Variants in BTAF1 observed in about 807,000 individuals in gnomAD.
BTAF1 encodes the protein B-TFIID TATA-box binding protein associated factor 1.
A neutral mutation model predicts 227.1 loss-of-function variants in BTAF1; 38 were observed. The observed-to-expected ratio is 0.17, with a 90% confidence interval of 0.13 to 0.22. The LOEUF is 0.22. Among genes scored for constraint, BTAF1 ranks in the 10% least tolerant of loss-of-function variants. The pLI, the probability that BTAF1 is intolerant of heterozygous loss-of-function variation, is 1.00. For synonymous variants in BTAF1, 742 were observed against 751.9 expected (o/e 0.99, Z 0.21); for missense variants, 1,598 against 2,204.0 (o/e 0.73, Z 5.51).
intron 14 of BTAF1, among the ~76,000 whole-genome samples, chr10:91,974,466 T>C (rs1036990279): frequency 1.3e-5 from 2 of 152,218 alleles, no homozygotes; most frequent in Non-Finnish European, 2.9e-5. Context: ...TGTGAAAATA[T>C]ATTGTTTAAT....
At chr10:91,957,044 T>C (rs1209018373) in intron 7 of BTAF1, among the ~76,000 whole-genome samples, 181 bp from the exon 8 acceptor site, 1 of 152,184 alleles carries the variant, frequency 6.6e-6, no homozygotes, top group Non-Finnish European at 1.5e-5. Context: ...ATTGAAAGTA[T>C]TGAATAATCT....
intron 1 of BTAF1, among the ~76,000 whole-genome samples, chr10:91,934,190 GC>G (rs1229805036): frequency 4.6e-5 from 7 of 152,144 alleles, no homozygotes; most frequent in Admixed American, 1.3e-4. Context: ...TGTATGACTA[GC>G]TTCATAGTTT....
At chr10:91,991,694 G>C (rs1263508272) in intron 20 of BTAF1, among the ~76,000 whole-genome samples, 1 of 151,536 alleles carries the variant, frequency 6.6e-6, no homozygotes, top group African/African-American at 2.4e-5. Context: ...GGTGGAGGTT[G>C]CAGTGAGCTG....
intron 8 of BTAF1, among the ~76,000 whole-genome samples, chr10:91,958,072 G>T (rs1448273652): frequency 6.6e-6 from 1 of 151,950 alleles, no homozygotes; most frequent in African/African-American, 2.4e-5. Flanking sequence ...TTTTTGAGAT[G>T]GAGTCTCACT....
rs757432298 is a variant in BTAF1 at position 92,031,374 on chromosome 10, C to G, written c.*2441C>G. Among the ~76,000 whole-genome samples, 1 of 152,152 alleles carries G rather than the reference C, an allele frequency of 6.6e-6. No homozygotes were observed. Among genetic ancestry groups the G allele is most frequent in the South Asian group, 2.1e-4 (1 of 4,824 alleles). On this transcript the variant is annotated 3_prime_UTR_variant, in exon 38 of 38. Transcript: ENST00000265990. ...TTGGGACTGATTGAACTGGTATAGC[C>G]TTATTCCTTCTGGATGGTTTATATG...
intron 1 of BTAF1, among the ~76,000 whole-genome samples, chr10:91,928,498 AGCT>A (rs930454062): frequency 7.2e-5 from 11 of 152,196 alleles, no homozygotes; most frequent in African/African-American, 2.2e-4. Context: ...CCGGAAAGTC[AGCT>A]AGTCATTCAC....
chr10:92,026,482 A>T, intron 35 of BTAF1, 110 bp from the exon 36 acceptor site: 1 of 836,268 alleles, frequency 1.2e-6, no homozygotes, highest in Non-Finnish European at 1.8e-6. Context: ...AAGTATCCCT[A>T]TTGTGGATTT....
In BTAF1 at chr10:91,935,554, G is replaced by A. The variant is rs868147889; in HGVS notation, c.15-103G>A. ...CTTTCCGGGGCTCATTTATGTTAGCGTAGGTCTTCATTCATAGCATCTGCT... is the reference window on the plus strand; with the variant it reads ...CTTTCCGGGGCTCATTTATGTTAGCATAGGTCTTCATTCATAGCATCTGCT... On this transcript the variant is annotated intron_variant, in intron 1 of 37. Transcript: ENST00000265990. 38 of 1,258,476 alleles carry A rather than the reference G, an allele frequency of 3.0e-5. No homozygotes were observed. In the African/African-American group the frequency reaches 4.2e-4, roughly 14 times the overall value. 78.0% of individuals were successfully genotyped at this position (1,258,476 alleles called of 1,614,324 possible). A position where few individuals can be genotyped will look rare whatever the true frequency, so the allele number is the denominator to read the frequency against.
At chr10:92,002,748 G>T (rs1849633045) in intron 25 of BTAF1, among the ~76,000 whole-genome samples, 1 of 152,054 alleles carries the variant, frequency 6.6e-6, no homozygotes, top group Non-Finnish European at 1.5e-5. Context: ...ATTTTAATTA[G>T]ATTTAATTGA....
chr10:91,950,147 G>T (rs910162870), intron 4 of BTAF1, among the ~76,000 whole-genome samples: 3 of 35,778 alleles, frequency 8.4e-5, no homozygotes, highest in Admixed American at 4.0e-4. Flanking sequence ...CTTGTCCTTT[G>T]TGGGGGGGGG....
chr10:92,008,749 A>G, intron 26 of BTAF1, 80 bp from the exon 27 acceptor site: 1 of 1,337,462 alleles, frequency 7.5e-7, no homozygotes, highest in Non-Finnish European at 1.0e-6. Flanking sequence ...TTTTGTGCAA[A>G]CGTTGTTTAT....
intron 12 of BTAF1, among the ~76,000 whole-genome samples, chr10:91,963,540 G>T (rs1156730810): frequency 1.3e-5 from 2 of 152,112 alleles, no homozygotes; most frequent in Non-Finnish European, 2.9e-5. Context: ...GAGTGCTGGG[G>T]TTACTGGTGT....
intron 34 of BTAF1, among the ~76,000 whole-genome samples, chr10:92,021,588 C>T (rs1851127666): frequency 6.6e-6 from 1 of 151,588 alleles, no homozygotes; most frequent in South Asian, 2.1e-4. Context: ...GTCGCCCAGG[C>T]TGGAATGCAG....
At chr10:91,970,860 AT>A (rs1847247451) in intron 14 of BTAF1, among the ~76,000 whole-genome samples, 1 of 152,236 alleles carries the variant, frequency 6.6e-6, no homozygotes, top group Non-Finnish European at 1.5e-5. Context: ...GATCAGGAAG[AT>A]TAGGTGATGT....
At chr10:91,991,039 G>C (rs554963893) in intron 20 of BTAF1, among the ~76,000 whole-genome samples, 52 of 151,716 alleles carry the variant, frequency 3.4e-4, no homozygotes, top group African/African-American at 1.2e-3. Context: ...GAGGTCAGAA[G>C]TTCGAGACCA....
At chr10:91,960,205 T>C (rs754801201) in intron 11 of BTAF1, 51 bp downstream of exon 11, 2 of 1,548,904 alleles carry the variant, frequency 1.3e-6, no homozygotes, top group South Asian at 1.2e-5. Context: ...TTCCCCCTTA[T>C]AGTTTATTTT....
intron 15 of BTAF1, among the ~76,000 whole-genome samples, chr10:91,981,017 T>C (rs959133778): frequency 2.0e-5 from 3 of 152,132 alleles, no homozygotes; most frequent in Non-Finnish European, 2.9e-5. Context: ...TTTAATAGCA[T>C]TTATGGGGGG....
At chr10:91,997,452 T>A in intron 24 of BTAF1, 151 bp from the exon 25 acceptor site, 1 of 665,874 alleles carries the variant, frequency 1.5e-6, no homozygotes, top group East Asian at 2.8e-5. Flanking sequence ...ACTTTTATAA[T>A]TGAATCATAG....
chr10:91,948,699 T>TA (rs11331302), intron 4 of BTAF1, among the ~76,000 whole-genome samples: 2,264 of 142,882 alleles, frequency 0.016, 50 homozygotes, highest in African/African-American at 0.049. Context: ...TCTTTTTTAT[T>TA]AAAAAAAAAA....
Sources: allele counts gnomAD v4.1 joint callset (sites outside exome capture counted in the v4.1 genomes callset), GRCh38; gene constraint gnomAD v4.1.1; transcripts MANE v1.5; gene names NCBI Gene and HGNC (gene_info 2026-07-23, HGNC 2026-07-21).